ARID1B: variants seen among roughly 807,000 people sequenced by gnomAD.
ARID1B encodes the protein AT-rich interactive domain-containing protein 1B.
Under a neutral mutation model 212.3 loss-of-function variants are expected in ARID1B, and 30 were observed. That is an observed-to-expected ratio of 0.14 (90% confidence interval 0.11 to 0.19). The LOEUF (loss-of-function observed/expected upper bound fraction) is 0.19. ARID1B is among the 10% of genes least tolerant of loss of function. The pLI is 1.00. For synonymous variants in ARID1B, 1,402 were observed against 1,301.7 expected (o/e 1.08, Z -1.66); for missense variants, 2,891 against 3,204.0 (o/e 0.90, Z 2.36).
intron 4 of ARID1B, among the ~76,000 whole-genome samples, chr6:157,061,071 G>A (rs1005789906): frequency 1.1e-4 from 17 of 152,172 alleles, no homozygotes; most frequent in African/African-American, 3.4e-4. Context: ...CTGTGGACTC[G>A]TGACTCAGGC....
intron 3 of ARID1B, among the ~76,000 whole-genome samples, chr6:156,907,195 A>G (rs1249685853): frequency 1.3e-5 from 2 of 152,190 alleles, no homozygotes; most frequent in African/African-American, 4.8e-5. Context: ...GTCATTTAAT[A>G]CAATGTTTCC....
At chr6:156,927,265 G>T (rs1791299824) in intron 3 of ARID1B, among the ~76,000 whole-genome samples, 1 of 151,608 alleles carries the variant, frequency 6.6e-6, no homozygotes, top group Admixed American at 6.6e-5. Context: ...TCTCCTTCTC[G>T]TCCTCTCACT....
At chr6:156,931,961 TAAAAA>T (rs56102774) in intron 3 of ARID1B, among the ~76,000 whole-genome samples, 2 of 97,398 alleles carry the variant, frequency 2.1e-5, no homozygotes, top group African/African-American at 4.3e-5. Context: ...GATTCCGTCT[TAAAAA>T]AAAAAAAAAA....
Position 157,207,884 on chromosome 6 carries a change from A to G in ARID1B, c.7112A>G (p.Gln2371Arg). The change falls in exon 20 of 20, where the codon CAG becomes CGG. Residue 2371 changes from glutamine to arginine, a missense_variant. Coordinates refer to ENST00000636930, the MANE Select transcript of ARID1B (RefSeq NM_001374828.1). The surrounding 1 kb of genome is among the most constrained non-coding windows in gnomAD (Gnocchi z 8.5). ...TGTGATGTACTGTTTCAGATTGGGC[A>G]GTTATGACATAAGTGAGAAGGCAAG... The part of the protein sequence containing the change: ...VICDVLFQIG[Q>R]L 1 of 1,493,586 alleles carries G rather than the reference A, an allele frequency of 6.7e-7. No individual in the cohort carries two copies. 92.5% of individuals were successfully genotyped at this position (1,493,586 alleles called of 1,614,324 possible).
At chr6:156,874,484 G>A (rs934791713) in intron 2 of ARID1B, among the ~76,000 whole-genome samples, 2 of 152,196 alleles carry the variant, frequency 1.3e-5, no homozygotes, top group Non-Finnish European at 2.9e-5. Context: ...GTTGGTAAGA[G>A]TGAGTTCAAC....
chr6:156,974,422 A>G (rs531672050), intron 4 of ARID1B, among the ~76,000 whole-genome samples: 8 of 152,340 alleles, frequency 5.3e-5, no homozygotes, highest in South Asian at 2.1e-4. Context: ...TGTTTGGTTA[A>G]TGTACCTGAA....
intron 1 of ARID1B, among the ~76,000 whole-genome samples, chr6:156,821,749 T>C (rs779027716): frequency 1.3e-5 from 2 of 152,204 alleles, no homozygotes; most frequent in Non-Finnish European, 2.9e-5. Flanking sequence ...GGTTTCTAGA[T>C]TAGATTCCAT....
chr6:156,804,908 G>A (rs1397887139), intron 1 of ARID1B, among the ~76,000 whole-genome samples: 2 of 144,686 alleles, frequency 1.4e-5, no homozygotes, highest in Admixed American at 6.9e-5. Flanking sequence ...CCCTTTTTGT[G>A]TCTTAATGTT....
chr6:157,013,633 C>A (rs535338786), intron 4 of ARID1B, among the ~76,000 whole-genome samples: 1 of 152,196 alleles, frequency 6.6e-6, no homozygotes, highest in Non-Finnish European at 1.5e-5. Flanking sequence ...GTATCCAACA[C>A]TCACATTAAA....
chr6:156,916,068 C>T (rs559136646), intron 3 of ARID1B, among the ~76,000 whole-genome samples: 4 of 151,594 alleles, frequency 2.6e-5, no homozygotes, highest in Non-Finnish European at 4.4e-5. Flanking sequence ...TTCTGAGCAC[C>T]GACAGAATTA....
chr6:156,896,575 T>A (rs2128200071), intron 2 of ARID1B, among the ~76,000 whole-genome samples: 6 of 19,578 alleles, frequency 3.1e-4, no homozygotes, highest in Admixed American at 1.0e-3. Flanking sequence ...AAACTGCGTC[T>A]CAAAAAAAAA....
intron 4 of ARID1B, among the ~76,000 whole-genome samples, chr6:156,986,094 G>A (rs529484265): frequency 6.6e-6 from 1 of 152,298 alleles, no homozygotes; most frequent in South Asian, 2.1e-4. Flanking sequence ...GATTCACAGA[G>A]GAAGGGAAAG....
intron 2 of ARID1B, among the ~76,000 whole-genome samples, chr6:156,879,893 T>G (rs1786905116): frequency 6.6e-6 from 1 of 152,338 alleles, no homozygotes; most frequent in South Asian, 2.1e-4. Flanking sequence ...TTCATGATAT[T>G]GGGAGAAAAG....
chr6:157,132,715 T>C (rs1177339706), intron 6 of ARID1B, among the ~76,000 whole-genome samples: 1 of 152,170 alleles, frequency 6.6e-6, no homozygotes, highest in Non-Finnish European at 1.5e-5. Flanking sequence ...TGTTGCTTTT[T>C]GTAGGGATTT....
chr6:156,798,649 A>G (rs1008189766), intron 1 of ARID1B, among the ~76,000 whole-genome samples: 1 of 152,248 alleles, frequency 6.6e-6, no homozygotes, highest in African/African-American at 2.4e-5. Context: ...AACTACCAGT[A>G]TATTTTGGAT....
intron 4 of ARID1B, among the ~76,000 whole-genome samples, chr6:157,030,911 C>T (rs930547948): frequency 2.0e-5 from 3 of 152,144 alleles, no homozygotes; most frequent in Non-Finnish European, 2.9e-5. Flanking sequence ...ACGAGGCTAC[C>T]GTGCGTGTTC....
At chr6:156,902,337 T>G (rs1040853419) in intron 3 of ARID1B, among the ~76,000 whole-genome samples, 1 of 152,320 alleles carries the variant, frequency 6.6e-6, no homozygotes, top group South Asian at 2.1e-4. Context: ...TAATACTTCC[T>G]TCCTTCTCTT....
At chr6:157,178,521 G>A (rs1792270889) in intron 11 of ARID1B, among the ~76,000 whole-genome samples, 1 of 152,184 alleles carries the variant, frequency 6.6e-6, no homozygotes, top group Non-Finnish European at 1.5e-5. Context: ...AGCCTCGGGA[G>A]GCCTCTTCCG....
chr6:156,909,864 G>C (rs1789725601), intron 3 of ARID1B, among the ~76,000 whole-genome samples: 1 of 152,182 alleles, frequency 6.6e-6, no homozygotes, highest in Admixed American at 6.5e-5. Context: ...CTCCTTTTGA[G>C]CGAAGAGCCT....
Sources: gnomAD v4.1 joint callset for allele counts (sites outside exome capture counted in the v4.1 genomes callset) on GRCh38, gnomAD v4.1.1 for gene constraint, Gnocchi (gnomAD v3.1) non-coding constraint, MANE v1.5 for transcripts, NCBI Gene and HGNC (gene_info 2026-07-23, HGNC 2026-07-21) for gene names.